Variants in MCM9 observed in about 807,000 individuals in gnomAD.
MCM9 encodes the protein minichromosome maintenance 9 homologous recombination repair factor, also known as DNA helicase MCM9.
A neutral mutation model predicts 72.8 loss-of-function variants in MCM9; 55 were observed. That is an observed-to-expected ratio of 0.76 (90% CI 0.61 to 0.95). MCM9 has a LOEUF of 0.95. Ranked by LOEUF, MCM9 falls within the 40% of genes least tolerant of loss-of-function variation. The pLI is 0.00. For missense variants in MCM9, 1,279 were observed against 1,377.0 expected (o/e 0.93, Z 1.13); for synonymous variants, 480 against 503.4 (o/e 0.95, Z 0.62).
intron 3 of MCM9, among the ~76,000 whole-genome samples, chr6:118,925,679 T>C (rs1183084871): frequency 9.9e-5 from 15 of 152,206 alleles, no homozygotes; most frequent in Admixed American, 9.8e-4. Context: ...CTTGCCCATT[T>C]TCTAATGAAC....
chr6:118,925,631 TG>T (rs1308197641), intron 3 of MCM9, among the ~76,000 whole-genome samples: 1 of 152,206 alleles, frequency 6.6e-6, no homozygotes, highest in Admixed American at 6.5e-5. Context: ...TGCCAACATT[TG>T]CCCCTATGAC....
chr6:118,904,432 A>G (rs1780029355), intron 8 of MCM9, among the ~76,000 whole-genome samples: 1 of 152,202 alleles, frequency 6.6e-6, no homozygotes, highest in African/African-American at 2.4e-5. Context: ...TGCCCTGGCA[A>G]CAGGTAAGCT....
rs188140657 is a variant in MCM9 at position 118,849,420 on chromosome 6, T to C, written c.1325+6951A>G. Among the ~76,000 whole-genome samples, 67 of 150,360 alleles carry C rather than the reference T, an allele frequency of 4.5e-4. 2 individuals carry two copies. The highest frequency in any genetic ancestry group is 1.6e-3 in the African/African-American group (65 of 40,298). On this transcript the variant is annotated intron_variant, in intron 9 of 13. Coordinates refer to ENST00000619706, the MANE Select transcript of MCM9 (RefSeq NM_017696.3). ...TAGAAGACCTAAATAACATCATTTATAAGGTACAGTTTGTGTGTGTGTGTG... is the reference window on the plus strand; with the variant it reads ...TAGAAGACCTAAATAACATCATTTACAAGGTACAGTTTGTGTGTGTGTGTG...
At chr6:118,884,264 T>C (rs1401842764) in intron 8 of MCM9, among the ~76,000 whole-genome samples, 3 of 152,180 alleles carry the variant, frequency 2.0e-5, no homozygotes, top group East Asian at 1.9e-4. Context: ...GTTTGTAACA[T>C]ATACAGATGA....
At chr6:118,894,606 G>GCCGAACACAGCCGCCCA in intron 8 of MCM9, 1 of 1,186,470 alleles carries the variant, frequency 8.4e-7, no homozygotes, top group Non-Finnish European at 1.2e-6. Flanking sequence ...CGCGCTGGGC[G>GCCGAACACAGCCGCCCA]GCTGTGTTCG....
intron 8 of MCM9, among the ~76,000 whole-genome samples, chr6:118,892,358 G>A (rs1054440681): frequency 6.6e-6 from 1 of 152,196 alleles, no homozygotes; most frequent in African/African-American, 2.4e-5. Flanking sequence ...GATCTTCTCA[G>A]TCCTTCATGC....
At chr6:118,921,881 AAGGTG>A in intron 5 of MCM9, 119 bp downstream of exon 5, 1 of 694,562 alleles carries the variant, frequency 1.4e-6, no homozygotes, top group Non-Finnish European at 2.5e-6. Flanking sequence ...TTCTAATCTC[AAGGTG>A]AGCAATTACA....
Position 118,814,698 on chromosome 6 carries a change from A to G in MCM9, c.*126T>C. 1.1e-6 allele frequency: 1 copy of G among 894,790 alleles called. No individual in the cohort carries two copies. Among genetic ancestry groups the G allele is most frequent in the Non-Finnish European group, 1.6e-6 (1 of 619,514 alleles). 55.4% of individuals were successfully genotyped at this position (894,790 alleles called of 1,614,324 possible). A position where few individuals can be genotyped will look rare whatever the true frequency, so the allele number is the denominator to read the frequency against. On this transcript the variant is annotated 3_prime_UTR_variant, in exon 14 of 14. Transcript: ENST00000619706. ...CTGAAATTAGAAAGCCTTAAGGGGG[A>G]GCCAGTATTCAGAGTGATCCTCAAT... is the stretch of plus-strand genomic sequence containing the variant.
chr6:118,838,088 A>T (rs1252654123), intron 9 of MCM9, among the ~76,000 whole-genome samples: 2 of 151,752 alleles, frequency 1.3e-5, no homozygotes, highest in Non-Finnish European at 2.9e-5. Flanking sequence ...TTGCTTGTCT[A>T]TAAAGGATTT....
intron 8 of MCM9, among the ~76,000 whole-genome samples, chr6:118,865,909 A>G (rs1333150153): frequency 1.3e-5 from 2 of 152,194 alleles, no homozygotes; most frequent in Non-Finnish European, 2.9e-5. Flanking sequence ...CCAGGATCTG[A>G]GGGCACAGCC....
Position 118,841,933 on chromosome 6 carries a change from C to G in MCM9, c.1326-12683G>C, listed in dbSNP as rs1050021069. On this transcript the variant is annotated intron_variant, in intron 9 of 13. Coordinates refer to ENST00000619706, the MANE Select transcript of MCM9 (RefSeq NM_017696.3). ...CACTGCAGCCTCCGCCTCCCGGGTT[C>G]AAGCGATTCTCCTGCCTCAGCCTCC... 2.0e-5 allele frequency among the ~76,000 whole-genome samples: 3 copies of G among 151,498 alleles called. No individual in the cohort carries two copies. In the South Asian group the frequency reaches 6.3e-4, roughly 32 times the overall value.
intron 8 of MCM9, among the ~76,000 whole-genome samples, chr6:118,863,292 A>G (rs1777015816): frequency 1.3e-5 from 2 of 152,206 alleles, no homozygotes; most frequent in South Asian, 4.1e-4. Context: ...CTACCTGTGA[A>G]CAGGTATAGT....
chr6:118,824,454 G>T (rs191724895), intron 13 of MCM9, among the ~76,000 whole-genome samples: 1 of 151,586 alleles, frequency 6.6e-6, no homozygotes, highest in Admixed American at 6.6e-5. Flanking sequence ...AATTACAGGC[G>T]CCCGCCAACA....
chr6:118,853,549 C>A (rs1776362302), intron 9 of MCM9, among the ~76,000 whole-genome samples: 1 of 152,004 alleles, frequency 6.6e-6, no homozygotes. Flanking sequence ...TGCCTGTAAT[C>A]AGTGCTCTGA....
chr6:118,926,539 T>A (rs1307981413), intron 3 of MCM9, among the ~76,000 whole-genome samples: 1 of 152,232 alleles, frequency 6.6e-6, no homozygotes, highest in Non-Finnish European at 1.5e-5. Context: ...CAATATGTGG[T>A]CTTTTGAATC....
At chr6:118,844,891 C>T (rs1305441034) in intron 9 of MCM9, among the ~76,000 whole-genome samples, 2 of 151,800 alleles carry the variant, frequency 1.3e-5, no homozygotes, top group East Asian at 3.8e-4. Context: ...GATTCTTTGT[C>T]TTCATTACAG....
chr6:118,822,263 A>C (rs1773865516), intron 13 of MCM9, among the ~76,000 whole-genome samples: 1 of 151,912 alleles, frequency 6.6e-6, no homozygotes, highest in Non-Finnish European at 1.5e-5. Context: ...GCATTTATCT[A>C]CCTTTGATCT....
intron 1 of MCM9, among the ~76,000 whole-genome samples, chr6:118,933,589 C>T (rs1157052508): frequency 2.0e-5 from 3 of 151,910 alleles, no homozygotes; most frequent in Non-Finnish European, 2.9e-5. Context: ...ATTTGACTTA[C>T]TTCATTTGTC....
chr6:118,928,096 A>G (rs2114425275), intron 3 of MCM9, among the ~76,000 whole-genome samples: 1 of 152,256 alleles, frequency 6.6e-6, no homozygotes, highest in South Asian at 2.1e-4. Context: ...TGCCCACACT[A>G]AGAAGCAATG....
Sources: gnomAD v4.1 joint callset for allele counts (sites outside exome capture counted in the v4.1 genomes callset) on GRCh38, gnomAD v4.1.1 for gene constraint, MANE v1.5 for transcripts, NCBI Gene and HGNC (gene_info 2026-07-23, HGNC 2026-07-21) for gene names.